ZNF804A: variants seen among roughly 807,000 people sequenced by gnomAD.
The protein encoded by ZNF804A is zinc finger protein 804A.
In ZNF804A, 2 loss-of-function variants were observed where a neutral mutation model predicts 16.5. That is an observed-to-expected ratio of 0.12 (90% confidence interval 0.05 to 0.38). ZNF804A has a LOEUF of 0.38. ZNF804A is among the 10% of genes least tolerant of loss of function. The probability of loss-of-function intolerance (pLI) is 0.99; values close to 1 mark genes in which losing one functional copy is unlikely to be tolerated. For synonymous variants in ZNF804A, 534 were observed against 489.6 expected (o/e 1.09, Z -1.20); for missense variants, 1,473 against 1,390.7 (o/e 1.06, Z -0.94).
At chr2:184,746,634 A>G (rs1693794007) in intron 1 of ZNF804A, among the ~76,000 whole-genome samples, 1 of 151,386 alleles carries the variant, frequency 6.6e-6, no homozygotes, top group African/African-American at 2.4e-5. Flanking sequence ...ATTAAATACT[A>G]GATCTCATTC....
chr2:184,765,537 G>A (rs895518002), intron 1 of ZNF804A, among the ~76,000 whole-genome samples: 3 of 151,762 alleles, frequency 2.0e-5, no homozygotes, highest in South Asian at 2.1e-4. Context: ...TCTAATTACC[G>A]GTGGGTGCAT....
At chr2:184,824,144 A>G (rs1018240932) in intron 1 of ZNF804A, among the ~76,000 whole-genome samples, 3 of 152,180 alleles carry the variant, frequency 2.0e-5, no homozygotes, top group Non-Finnish European at 1.5e-5. Flanking sequence ...CTAGTAGCCT[A>G]TAACTCAGGC....
chr2:184,921,660 G>T (rs185770092), intron 2 of ZNF804A, among the ~76,000 whole-genome samples: 7 of 152,118 alleles, frequency 4.6e-5, no homozygotes, highest in Admixed American at 1.3e-4. Flanking sequence ...ATTTTTAAAT[G>T]TACAATTAAA....
At chr2:184,781,665 T>A (rs1332229790) in intron 1 of ZNF804A, among the ~76,000 whole-genome samples, 1 of 151,864 alleles carries the variant, frequency 6.6e-6, no homozygotes, top group Non-Finnish European at 1.5e-5. Context: ...ACTTGCCTTA[T>A]CTAAGCTCAT....
At chr2:184,742,917 A>G (rs996876848) in intron 1 of ZNF804A, among the ~76,000 whole-genome samples, 1 of 151,944 alleles carries the variant, frequency 6.6e-6, no homozygotes, top group Admixed American at 6.6e-5. Context: ...CACATAAAAA[A>G]TATCTCATAG....
intron 1 of ZNF804A, among the ~76,000 whole-genome samples, chr2:184,677,907 T>G (rs1380525412): frequency 2.0e-5 from 3 of 152,026 alleles, no homozygotes. Context: ...GTTTACAACC[T>G]AGTGAGTTAG....
intron 1 of ZNF804A, among the ~76,000 whole-genome samples, chr2:184,727,147 T>A (rs368267819): frequency 6.6e-6 from 1 of 151,630 alleles, no homozygotes; most frequent in Non-Finnish European, 1.5e-5. Flanking sequence ...AGGGTCTTAT[T>A]AAAAATGCCC....
intron 1 of ZNF804A, among the ~76,000 whole-genome samples, chr2:184,807,360 T>C (rs552133223): frequency 1.3e-5 from 2 of 151,744 alleles, no homozygotes; most frequent in South Asian, 4.1e-4. Context: ...TTCTGTTGAG[T>C]GAAAGAAAGA....
chr2:184,616,391 A>G (rs1240652323), intron 1 of ZNF804A, among the ~76,000 whole-genome samples: 1 of 152,172 alleles, frequency 6.6e-6, no homozygotes, highest in East Asian at 1.9e-4. Flanking sequence ...ATTATATGTA[A>G]TTACTACTGA....
intron 1 of ZNF804A, among the ~76,000 whole-genome samples, chr2:184,617,501 C>CA (rs1364960595): frequency 1.3e-5 from 2 of 151,586 alleles, no homozygotes; most frequent in Admixed American, 1.3e-4. Context: ...GGTGTTTTTA[C>CA]AAAAAATTAT....
intron 1 of ZNF804A, among the ~76,000 whole-genome samples, chr2:184,733,302 TG>T (rs1693550290): frequency 6.6e-6 from 1 of 152,206 alleles, no homozygotes; most frequent in African/African-American, 2.4e-5. Flanking sequence ...TTTTTTCTTC[TG>T]TAACCTGTTG....
chr2:184,602,348 A>G (rs887635435), intron 1 of ZNF804A, among the ~76,000 whole-genome samples: 2 of 152,010 alleles, frequency 1.3e-5, no homozygotes, highest in African/African-American at 4.8e-5. Flanking sequence ...TTTTAATTTC[A>G]TAGAACAAGA....
At chr2:184,664,062 T>C (rs1312809693) in intron 1 of ZNF804A, among the ~76,000 whole-genome samples, 1 of 152,232 alleles carries the variant, frequency 6.6e-6, no homozygotes, top group East Asian at 1.9e-4. Context: ...GTCTCTTTTG[T>C]GTAGACAAAA....
rs145687850 is a variant in ZNF804A, at chr2:184,938,063, T to G, written c.2667T>G (p.Ser889=). 3 of 1,613,988 alleles carry G rather than the reference T, an allele frequency of 1.9e-6. No homozygotes were observed. The highest frequency in any genetic ancestry group is 2.5e-6 in the Non-Finnish European group (3 of 1,180,024). The change falls in exon 4 of 4, where the codon TCT becomes TCG. Residue 889 remains serine, a synonymous_variant. Transcript: ENST00000302277. The part of the protein sequence containing the change: ...LSFHPNNLLP[S]ETNGETEHLE... ...TCCACCCTAACAATCTCCTTCCTTC[T>G]GAAACCAATGGTGAAACTGAGCATT...
Position 184,852,374 on chromosome 2 carries a change from T to C in ZNF804A, c.112-13995T>C, listed in dbSNP as rs200197844. Among the ~76,000 whole-genome samples, 21 of 151,602 alleles carry C rather than the reference T, an allele frequency of 1.4e-4. 2 individuals carry two copies. In the East Asian group the frequency reaches 4.1e-3, roughly 29 times the overall value. On this transcript the variant is annotated intron_variant, in intron 1 of 3. Coordinates refer to ENST00000302277, the MANE Select transcript of ZNF804A (RefSeq NM_194250.2). Reference sequence around the variant, plus strand: ...TGGATAAAAGGGGGCTACTGTATTTTTCCTGTCCTGTTGGTTGTCTCTTCA... The same window carrying C: ...TGGATAAAAGGGGGCTACTGTATTTCTCCTGTCCTGTTGGTTGTCTCTTCA...
chr2:184,648,060 G>A (rs904469978), intron 1 of ZNF804A, among the ~76,000 whole-genome samples: 1 of 152,084 alleles, frequency 6.6e-6, no homozygotes, highest in Non-Finnish European at 1.5e-5. Context: ...AGGCCAGATG[G>A]GGGCCCGATT....
chr2:184,896,316 A>G (rs1255795081), intron 2 of ZNF804A, among the ~76,000 whole-genome samples: 2 of 152,172 alleles, frequency 1.3e-5, no homozygotes, highest in Non-Finnish European at 2.9e-5. Flanking sequence ...TGTGATTGGT[A>G]TCATTTATAC....
intron 1 of ZNF804A, among the ~76,000 whole-genome samples, chr2:184,844,979 C>T (rs1695491643): frequency 6.6e-6 from 1 of 151,854 alleles, no homozygotes; most frequent in Non-Finnish European, 1.5e-5. Flanking sequence ...TGTTCAGATT[C>T]TATTGGCACA....
intron 2 of ZNF804A, among the ~76,000 whole-genome samples, chr2:184,912,915 A>C (rs1449328068): frequency 6.6e-6 from 1 of 152,078 alleles, no homozygotes; most frequent in Non-Finnish European, 1.5e-5. Context: ...TCTTTGATGC[A>C]CACAATTGTT....
Sources: allele counts gnomAD v4.1 joint callset (sites outside exome capture counted in the v4.1 genomes callset), GRCh38; gene constraint gnomAD v4.1.1; transcripts MANE v1.5; gene names NCBI Gene and HGNC (gene_info 2026-07-23, HGNC 2026-07-21).